Variants in AQP9 observed in about 807,000 individuals in gnomAD.
The protein encoded by AQP9 is aquaporin-9.
Under a neutral mutation model 23.8 loss-of-function variants are expected in AQP9, and 19 were observed. The ratio of observed to expected loss-of-function variants is 0.80; its 90% CI spans 0.56 to 1.17. The LOEUF is 1.17. Ranked by LOEUF, AQP9 falls within the 50% of genes most tolerant of loss-of-function variation. The pLI, the probability that AQP9 is intolerant of heterozygous loss-of-function variation, is 0.00. For synonymous variants in AQP9, 153 were observed against 131.5 expected, an observed-to-expected ratio of 1.16 and a Z score of -1.12; for missense variants, 413 against 362.0, an observed-to-expected ratio of 1.14 and a Z score of -1.14.
chr15:58,144,967 T>C (rs1281357149), intron 1 of AQP9, among the ~76,000 whole-genome samples: 2 of 145,980 alleles, frequency 1.4e-5, no homozygotes, highest in Non-Finnish European at 3.0e-5. Context: ...TGAGCTGAGA[T>C]TGCGCCACTG....
chr15:58,184,449 T>C lies in AQP9; in HGVS notation c.*314T>C, dbSNP rs763593587. The C allele has an allele frequency of 7.0e-5, 17 of 244,326 alleles. No homozygotes were observed. Among genetic ancestry groups the C allele is most frequent in the African/African-American group, 1.1e-4 (5 of 44,758 alleles). The allele number at this position is 244,326 out of a possible 1,614,324, so 15.1% of individuals were successfully genotyped here. A position where few individuals can be genotyped will look rare whatever the true frequency, so the allele number is the denominator to read the frequency against. ...CACTAATAACTCGGCATCTTGACGATAGTCCCATTTGGGTGGTTTCAGCTG... is the reference window on the plus strand; with the variant it reads ...CACTAATAACTCGGCATCTTGACGACAGTCCCATTTGGGTGGTTTCAGCTG... On this transcript the variant is annotated 3_prime_UTR_variant, in exon 6 of 6. Transcript: ENST00000219919.
intron 5 of AQP9, 132 bp downstream of exon 5, chr15:58,179,477 C>T (rs2140633947): frequency 1.4e-6 from 1 of 713,210 alleles, no homozygotes; most frequent in Middle Eastern, 4.1e-4. Flanking sequence ...TGGTCATAAG[C>T]ATGAGACATT....
intron 1 of AQP9, chr15:58,153,926 CT>C (rs1441841056): frequency 6.6e-6 from 1 of 152,082 alleles, no homozygotes; most frequent in Non-Finnish European, 1.5e-5. Context: ...AGAAATAACC[CT>C]TTCCTAATTA....
In AQP9 at chr15:58,184,499, C is replaced by T; in HGVS notation, c.*364C>T. The stretch of plus-strand genomic sequence containing the variant: ...GCACTATCTGTATGAAATGGTGTCA[C>T]CAAAACCCTTTTCTTCAGTATCGAC... On this transcript the variant is annotated 3_prime_UTR_variant, in exon 6 of 6. Transcript: ENST00000219919. 5.7e-6 allele frequency: 1 copy of T among 174,388 alleles called. No homozygotes were observed. The highest frequency in any genetic ancestry group is 1.2e-5 in the Non-Finnish European group (1 of 82,890). The allele number at this position is 174,388 out of a possible 1,614,324, so 10.8% of individuals were successfully genotyped here. A position where few individuals can be genotyped will look rare whatever the true frequency, so the allele number is the denominator to read the frequency against.
intron 4 of AQP9, among the ~76,000 whole-genome samples, chr15:58,176,730 C>A (rs1595745551): frequency 6.6e-6 from 1 of 151,618 alleles, no homozygotes; most frequent in Admixed American, 6.6e-5. Flanking sequence ...CCTGCCTCAG[C>A]CTTTGGAGTA....
At chr15:58,182,045 G>A (rs1402158088) in intron 5 of AQP9, among the ~76,000 whole-genome samples, 1 of 152,106 alleles carries the variant, frequency 6.6e-6, no homozygotes, top group East Asian at 1.9e-4. Context: ...CTCCTGAACG[G>A]CAAGCAGTGG....
At chr15:58,146,916 T>C (rs1246335229) in intron 1 of AQP9, 1 of 152,234 alleles carries the variant, frequency 6.6e-6, no homozygotes, top group African/African-American at 2.4e-5. Flanking sequence ...TCGTGCTTCC[T>C]ACAAATGAGG....
rs187710192 is a variant in AQP9, at chr15:58,159,108, G to A, written c.112-7565G>A. On this transcript the variant is annotated intron_variant, in intron 1 of 5. Coordinates refer to ENST00000219919, the MANE Select transcript of AQP9 (RefSeq NM_020980.5). ...CTGATTATTCCCTCTCTCCGTTCCC[G>A]GCATTTCAGCTTGTGATAATCACTT... 8.5e-5 allele frequency among the ~76,000 whole-genome samples: 13 copies of A among 152,224 alleles called. No individual in the cohort carries two copies. The East Asian group carries it at 1.2e-3, about 14-fold the overall frequency.
At chr15:58,168,165 A>G (rs1261529313) in intron 2 of AQP9, among the ~76,000 whole-genome samples, 2 of 151,874 alleles carry the variant, frequency 1.3e-5, no homozygotes, top group Non-Finnish European at 2.9e-5. Context: ...AGTAGCTAGG[A>G]CTACAGGTAC....
intron 1 of AQP9, among the ~76,000 whole-genome samples, chr15:58,144,335 T>C (rs1270086464): frequency 6.6e-6 from 1 of 152,208 alleles, no homozygotes; most frequent in African/African-American, 2.4e-5. Flanking sequence ...ATTATCTATG[T>C]CTGCAAGGAT....
chr15:58,174,808 G>C, intron 3 of AQP9, 110 bp from the exon 4 acceptor site: 1 of 847,854 alleles, frequency 1.2e-6, no homozygotes, highest in Non-Finnish European at 2.0e-6. Flanking sequence ...AAATGACATG[G>C]CTATGCCAAG....
intron 1 of AQP9, among the ~76,000 whole-genome samples, chr15:58,143,630 G>A (rs1251253094): frequency 6.6e-6 from 1 of 152,134 alleles, no homozygotes; most frequent in East Asian, 1.9e-4. Flanking sequence ...AGTTTTATAT[G>A]TTTAAAAATT....
At chr15:58,149,751 T>C (rs1595729220) in intron 1 of AQP9, among the ~76,000 whole-genome samples, 1 of 152,058 alleles carries the variant, frequency 6.6e-6, no homozygotes, top group Non-Finnish European at 1.5e-5. Context: ...TTGCAGAGAG[T>C]GCTGTGCTGA....
chr15:58,145,754 C>G (rs937507131), intron 1 of AQP9, among the ~76,000 whole-genome samples: 3 of 152,188 alleles, frequency 2.0e-5, no homozygotes, highest in Non-Finnish European at 2.9e-5. Flanking sequence ...CATACACCCA[C>G]TACTTTCTCT....
At chr15:58,155,447 T>C (rs1250378482) in intron 1 of AQP9, 1 of 152,196 alleles carries the variant, frequency 6.6e-6, no homozygotes, top group Non-Finnish European at 1.5e-5. Flanking sequence ...CCTTGTGCAA[T>C]GAATCTGAGG....
At chr15:58,150,726 C>T (rs1200746835) in intron 1 of AQP9, 2 of 152,144 alleles carry the variant, frequency 1.3e-5, no homozygotes, top group African/African-American at 4.8e-5. Flanking sequence ...AAATCCAGCC[C>T]TTATGAATGC....
intron 4 of AQP9, among the ~76,000 whole-genome samples, chr15:58,177,253 A>G (rs1437083090): frequency 6.6e-6 from 1 of 152,182 alleles, no homozygotes. Flanking sequence ...TTATTTACCC[A>G]ATAACTATTT....
At chr15:58,147,240 C>T (rs762493896) in intron 1 of AQP9, among the ~76,000 whole-genome samples, 7 of 151,782 alleles carry the variant, frequency 4.6e-5, no homozygotes, top group Admixed American at 1.3e-4. Flanking sequence ...AAGTGGGTTT[C>T]GTCAGTTTTT....
At chr15:58,146,589 T>C (rs1302398870) in intron 1 of AQP9, 2 of 152,202 alleles carry the variant, frequency 1.3e-5, no homozygotes, top group Non-Finnish European at 2.9e-5. Flanking sequence ...CTGCCTATTT[T>C]ATCTACTGAC....
Sources: gnomAD v4.1 joint callset for allele counts (sites outside exome capture counted in the v4.1 genomes callset) on GRCh38, gnomAD v4.1.1 for gene constraint, MANE v1.5 for transcripts, NCBI Gene and HGNC (gene_info 2026-07-23, HGNC 2026-07-21) for gene names.